The following TRIM40 variants were observed in gnomAD, a reference collection of about 807,000 sequenced individuals.
The protein encoded by TRIM40 is tripartite motif containing 40.
A neutral mutation model predicts 26.1 loss-of-function variants in TRIM40; 27 were observed. That is an observed-to-expected ratio of 1.04 (90% CI 0.76 to 1.43). The LOEUF (loss-of-function observed/expected upper bound fraction) is 1.43, where lower values mean the gene tolerates loss of function less well. TRIM40 is among the 40% of genes most tolerant of loss of function. TRIM40 has a pLI of 0.00. For missense variants in TRIM40, 289 were observed against 307.9 expected (o/e 0.94, Z 0.46); for synonymous variants, 114 against 120.0 (o/e 0.95, Z 0.33).
At chr6:30,137,627 T>C (rs1771097409) in intron 2 of TRIM40, among the ~76,000 whole-genome samples, 1 of 152,234 alleles carries the variant, frequency 6.6e-6, no homozygotes, top group Admixed American at 6.5e-5. Context: ...AGTCCCAGTC[T>C]GCTCATCTGT....
intron 2 of TRIM40, among the ~76,000 whole-genome samples, chr6:30,142,465 T>C (rs1771402612): frequency 6.6e-6 from 1 of 152,230 alleles, no homozygotes; most frequent in South Asian, 2.1e-4. Flanking sequence ...TGCATCAAAA[T>C]AGTTTATCTT....
rs907926712 is a variant in TRIM40 at position 30,146,095 on chromosome 6, T to C, written c.441+6T>C. 18 of 1,610,772 alleles carry C rather than the reference T, an allele frequency of 1.1e-5. No homozygotes were observed. The highest frequency in any genetic ancestry group is 1.4e-5 in the Non-Finnish European group (16 of 1,178,894). On this transcript the variant is annotated splice_donor_region_variant and intron_variant, in intron 3 of 5. Coordinates refer to ENST00000396581, the MANE Select transcript of TRIM40 (RefSeq NM_001286633.2). ...AGAAACTGCAGGCTCTGCAGGTGGG[T>C]TTTTCGGGTTCCTGGGAAGGACTCC...
In TRIM40 at chr6:30,148,437, T is replaced by C. The variant is rs1359144935; in HGVS notation, c.*625T>C. ...TCACTCTGGCAACTGTGTTGCATTGTATAGAACTCCTCCTTGCTGGCCCAC... is the reference window on the plus strand; with the variant it reads ...TCACTCTGGCAACTGTGTTGCATTGCATAGAACTCCTCCTTGCTGGCCCAC... On this transcript the variant is annotated 3_prime_UTR_variant, in exon 6 of 6. Coordinates refer to ENST00000396581, the MANE Select transcript of TRIM40 (RefSeq NM_001286633.2). 1 of 153,156 alleles carries C rather than the reference T, an allele frequency of 6.5e-6. No individual in the cohort carries two copies. Among genetic ancestry groups the C allele is most frequent in the Non-Finnish European group, 1.5e-5 (1 of 68,744 alleles). 9.5% of individuals were successfully genotyped at this position (153,156 alleles called of 1,614,324 possible).
chr6:30,145,640 C>T (rs3815085), intron 2 of TRIM40, among the ~76,000 whole-genome samples: 33,450 of 151,930 alleles, frequency 0.22, 4,006 homozygotes, highest in Admixed American at 0.25. Flanking sequence ...CAGACTGGCT[C>T]CATGTGTTAC....
rs996235396 is a variant in TRIM40 at position 30,146,229 on chromosome 6, C to T, written c.441+140C>T. On this transcript the variant is annotated intron_variant, in intron 3 of 5. Coordinates refer to ENST00000396581, the MANE Select transcript of TRIM40 (RefSeq NM_001286633.2). ...GGAGGCTGAAAACCCGGGTGTTGGC[C>T]TTGGCGTCAAAGTTTGCTGGTTGAG... 5.7e-6 allele frequency: 4 copies of T among 702,258 alleles called. No homozygotes were observed. The African/African-American group carries it at 7.2e-5, about 13-fold the overall frequency. The allele number at this position is 702,258 out of a possible 1,614,324, so 43.5% of individuals were successfully genotyped here.
chr6:30,146,935 C>A, intron 3 of TRIM40, 50 bp from the exon 4 acceptor site: 1 of 1,510,384 alleles, frequency 6.6e-7, no homozygotes, highest in South Asian at 1.2e-5. Flanking sequence ...CTGTGAAGGG[C>A]CAGGAGGGAG....
chr6:30,137,819 C>T (rs1771107831), intron 2 of TRIM40, among the ~76,000 whole-genome samples: 1 of 152,116 alleles, frequency 6.6e-6, no homozygotes, highest in Non-Finnish European at 1.5e-5. Flanking sequence ...TCTTTTTCTT[C>T]CTTCTGCATT....
intron 2 of TRIM40, among the ~76,000 whole-genome samples, chr6:30,139,589 C>T (rs994678514): frequency 9.9e-5 from 15 of 152,036 alleles, no homozygotes; most frequent in Non-Finnish European, 1.9e-4. Context: ...GATCCATCTG[C>T]GCTGGCCTCC....
In TRIM40 at chr6:30,144,880, T is replaced by C. The variant is rs1771556599; in HGVS notation, c.346-1114T>C. On this transcript the variant is annotated intron_variant, in intron 2 of 5. Coordinates refer to ENST00000396581, the MANE Select transcript of TRIM40 (RefSeq NM_001286633.2). ...AACAGTTCCACACCAGCCTGCCACC[T>C]TCTTCAGCGAGACTCATGAGCGACA... is the stretch of plus-strand genomic sequence containing the variant. Among the ~76,000 whole-genome samples the C allele has an allele frequency of 2.6e-5, 4 of 152,204 alleles. No individual in the cohort carries two copies. The South Asian group carries it at 8.3e-4, about 31-fold the overall frequency.
At position 30,148,108 on chromosome 6, in the gene TRIM40, T is replaced by C. The variant is rs1771783782; in HGVS notation, c.*296T>C. On this transcript the variant is annotated 3_prime_UTR_variant, in exon 6 of 6. Transcript: ENST00000396581. ...AATCTCCATTTTGCCTGTAAACTGATGGTAGTGCCCATCTCTCACAATCTC... is the reference window on the plus strand; with the variant it reads ...AATCTCCATTTTGCCTGTAAACTGACGGTAGTGCCCATCTCTCACAATCTC... The C allele has an allele frequency of 3.9e-6, 2 of 514,638 alleles. No homozygotes were observed. The highest frequency in any genetic ancestry group is 7.0e-6 in the Non-Finnish European group (2 of 287,098). 31.9% of individuals were successfully genotyped at this position (514,638 alleles called of 1,614,324 possible). A position where few individuals can be genotyped will look rare whatever the true frequency, so the allele number is the denominator to read the frequency against.
chr6:30,137,665 C>A (rs779276640), intron 2 of TRIM40, among the ~76,000 whole-genome samples: 60 of 152,182 alleles, frequency 3.9e-4, no homozygotes, highest in Non-Finnish European at 6.6e-4. Flanking sequence ...CTAACTAATG[C>A]AAAACCCTTT....
intron 2 of TRIM40, among the ~76,000 whole-genome samples, chr6:30,145,293 T>C (rs1771579955): frequency 1.3e-5 from 2 of 152,196 alleles, no homozygotes; most frequent in Admixed American, 1.3e-4. Flanking sequence ...CACAAATCTC[T>C]TCTCGTTTTG....
intron 2 of TRIM40, among the ~76,000 whole-genome samples, chr6:30,142,603 AAT>A (rs1319949783): frequency 6.6e-6 from 1 of 152,108 alleles, no homozygotes; most frequent in African/African-American, 2.4e-5. Flanking sequence ...TCTTTTTTAT[AAT>A]ATAATCTCCA....
intron 2 of TRIM40, among the ~76,000 whole-genome samples, chr6:30,143,656 T>C (rs889965184): frequency 2.6e-5 from 4 of 152,196 alleles, no homozygotes; most frequent in African/African-American, 9.7e-5. Context: ...TCTTTTTTTC[T>C]CTGAGGAATA....
rs1476559258 is a variant in TRIM40 at position 30,137,075 on chromosome 6, C to A, written c.39C>A (p.Val13=). 1.9e-6 allele frequency: 3 copies of A among 1,612,952 alleles called. No individual in the cohort carries two copies. The highest frequency in any genetic ancestry group is 8.5e-7 in the Non-Finnish European group (1 of 1,180,050). The change falls in exon 2 of 6, where the codon GTC becomes GTA. Residue 13 remains valine, a synonymous_variant. Coordinates refer to ENST00000396581, the MANE Select transcript of TRIM40 (RefSeq NM_001286633.2). ...PLQKDNQEEG[V]CPICQESLKE... ...AGAAGGACAACCAGGAGGAGGGTGT[C>A]TGCCCCATCTGCCAGGAGAGCCTGA... is the stretch of plus-strand genomic sequence containing the variant.
At chr6:30,146,720 C>T (rs116535239) in intron 3 of TRIM40, among the ~76,000 whole-genome samples, 1,666 of 152,298 alleles carry the variant, frequency 0.011, 25 homozygotes, top group African/African-American at 0.033. Flanking sequence ...CGCCATAGGC[C>T]TCCATTTCTG....
rs1314207133 is a variant in TRIM40 at position 30,146,184 on chromosome 6, T to C, written c.441+95T>C. 22 of 1,062,192 alleles carry C rather than the reference T, an allele frequency of 2.1e-5. No individual in the cohort carries two copies. In the South Asian group the frequency reaches 3.0e-4, roughly 15 times the overall value. 65.8% of individuals were successfully genotyped at this position (1,062,192 alleles called of 1,614,324 possible). A position where few individuals can be genotyped will look rare whatever the true frequency, so the allele number is the denominator to read the frequency against. On this transcript the variant is annotated intron_variant, in intron 3 of 5. Coordinates refer to ENST00000396581, the MANE Select transcript of TRIM40 (RefSeq NM_001286633.2). Reference sequence around the variant, plus strand: ...ACATCTGTCTGTCCCTGGAACAGCCTGATGTGGGCAGATGGTCGTGGAGGC... The same window carrying C: ...ACATCTGTCTGTCCCTGGAACAGCCCGATGTGGGCAGATGGTCGTGGAGGC...
In TRIM40 at chr6:30,147,910, A is replaced by C; in HGVS notation, c.*98A>C. Reference sequence around the variant, plus strand: ...GGCCCCCACTGGGTCTACCCAGTGCATCTTCGGGCCTGCCAGCTCCTGAAC... The same window carrying C: ...GGCCCCCACTGGGTCTACCCAGTGCCTCTTCGGGCCTGCCAGCTCCTGAAC... On this transcript the variant is annotated 3_prime_UTR_variant, in exon 6 of 6. Transcript: ENST00000396581. 1.0e-6 allele frequency: 1 copy of C among 979,452 alleles called. No individual in the cohort carries two copies. Among genetic ancestry groups the C allele is most frequent in the East Asian group, 2.4e-5 (1 of 41,538 alleles). The allele number at this position is 979,452 out of a possible 1,614,324, so 60.7% of individuals were successfully genotyped here. A position where few individuals can be genotyped will look rare whatever the true frequency, so the allele number is the denominator to read the frequency against.
At position 30,147,204 on chromosome 6, in the gene TRIM40, C is replaced by T. The variant is rs753974079; in HGVS notation, c.661C>T (p.Leu221=). 3 of 1,614,114 alleles carry T rather than the reference C, an allele frequency of 1.9e-6. No individual in the cohort carries two copies. The highest frequency in any genetic ancestry group is 4.5e-5 in the East Asian group (2 of 44,896). The change falls in exon 4 of 6, where the codon CTG becomes TTG. Residue 221 remains leucine (L), a synonymous_variant. Transcript: ENST00000396581. ...RTAKELDTNT[L]KNAGDLLNRS... is the part of the protein sequence containing the mutation. The stretch of plus-strand genomic sequence containing the variant: ...GGCCAAGGAATTAGACACCAACACA[C>T]TGAAGGTGCATACCCTGAGGCCTTC...
Sources: allele counts gnomAD v4.1 joint callset (sites outside exome capture counted in the v4.1 genomes callset), GRCh38; gene constraint gnomAD v4.1.1; transcripts MANE v1.5; gene names NCBI Gene and HGNC (gene_info 2026-07-23, HGNC 2026-07-21).